SLC25A13: variants seen among roughly 807,000 people sequenced by gnomAD.
The protein encoded by SLC25A13 is electrogenic aspartate/glutamate antiporter SLC25A13, mitochondrial.
Under a neutral mutation model 85.5 loss-of-function variants are expected in SLC25A13, and 70 were observed. The ratio of observed to expected loss-of-function variants is 0.82; its 90% confidence interval spans 0.68 to 1.00. SLC25A13 has a LOEUF of 1.00. Among genes scored for constraint, SLC25A13 ranks in the 50% least tolerant of loss-of-function variants. SLC25A13 has a pLI of 0.00. For synonymous variants in SLC25A13, 259 were observed against 288.7 expected, an observed-to-expected ratio of 0.90 and a Z score of 1.04; for missense variants, 765 against 819.8, an observed-to-expected ratio of 0.93 and a Z score of 0.82.
At chr7:96,294,581 C>T (rs1047658896) in intron 2 of SLC25A13, among the ~76,000 whole-genome samples, 13 of 150,522 alleles carry the variant, frequency 8.6e-5, no homozygotes, top group Non-Finnish European at 1.6e-4. Context: ...TGCACTCCAG[C>T]CTGGGAGACA....
At chr7:96,315,395 G>A (rs112718473) in intron 1 of SLC25A13, among the ~76,000 whole-genome samples, 3 of 152,164 alleles carry the variant, frequency 2.0e-5, no homozygotes, top group African/African-American at 4.8e-5. Flanking sequence ...GGGAGACCCA[G>A]GCATCAGCAG....
chr7:96,234,774 C>G, intron 4 of SLC25A13, 28 bp downstream of exon 4: 1 of 1,534,516 alleles, frequency 6.5e-7, no homozygotes, highest in Non-Finnish European at 9.0e-7. Context: ...CACACTTACA[C>G]AGACGTGCAC....
intron 3 of SLC25A13, among the ~76,000 whole-genome samples, chr7:96,245,779 CAA>C (rs1158858685): frequency 1.3e-5 from 2 of 152,046 alleles, no homozygotes; most frequent in African/African-American, 4.8e-5. Flanking sequence ...AGGAGGAAAT[CAA>C]AAGAGGTAAA....
At chr7:96,126,505 A>G (rs961833134) in intron 15 of SLC25A13, among the ~76,000 whole-genome samples, 2 of 152,202 alleles carry the variant, frequency 1.3e-5, no homozygotes, top group African/African-American at 4.8e-5. Context: ...GAGAGCTCCA[A>G]GCCTGGCAAT....
intron 9 of SLC25A13, among the ~76,000 whole-genome samples, chr7:96,188,146 A>T (rs1794707806): frequency 6.6e-6 from 1 of 152,220 alleles, no homozygotes; most frequent in Non-Finnish European, 1.5e-5. Context: ...ACGAAGAGAT[A>T]ATCATCTCCT....
chr7:96,141,019 C>CTT (rs11433644), intron 14 of SLC25A13, among the ~76,000 whole-genome samples: 2,880 of 124,648 alleles, frequency 0.023, 86 homozygotes, highest in Non-Finnish European at 0.033. Flanking sequence ...TTTTTTCTTT[C>CTT]TTTTTTTTTT....
At chr7:96,306,084 A>G (rs535470775) in intron 1 of SLC25A13, among the ~76,000 whole-genome samples, 1 of 152,294 alleles carries the variant, frequency 6.6e-6, no homozygotes, top group Non-Finnish European at 1.5e-5. Context: ...CGTTATGTCC[A>G]TTTTACAGAT....
Position 96,168,057 on chromosome 7 carries a change from G to C in SLC25A13, c.1311+1988C>G, listed in dbSNP as rs915257875. 6.8e-5 allele frequency among the ~76,000 whole-genome samples: 8 copies of C among 117,518 alleles called. No homozygotes were observed. The South Asian group carries it at 1.5e-3, about 22-fold the overall frequency. 77.1% of individuals were successfully genotyped at this position (117,518 alleles called of 152,430 possible). A position where few individuals can be genotyped will look rare whatever the true frequency, so the allele number is the denominator to read the frequency against. On this transcript the variant is annotated intron_variant, in intron 13 of 17. Coordinates refer to ENST00000265631, the MANE Select transcript of SLC25A13 (RefSeq NM_014251.3). ...GGAGGCTGCAGTGAGCCAAGATCCC[G>C]CCACTGCACTCCAGCCTGGTGACAG... is the stretch of plus-strand genomic sequence containing the variant.
At chr7:96,234,947 G>C (rs974426884) in intron 3 of SLC25A13, 30 bp from the exon 4 acceptor site, 3 of 1,550,376 alleles carry the variant, frequency 1.9e-6, no homozygotes, top group African/African-American at 2.7e-5. Context: ...TAAAGCAAAA[G>C]TCAGTAGCTT....
At chr7:96,287,826 G>A (rs908274225) in intron 2 of SLC25A13, among the ~76,000 whole-genome samples, 3 of 152,280 alleles carry the variant, frequency 2.0e-5, no homozygotes, top group Admixed American at 1.3e-4. Flanking sequence ...ATAGGTCCTC[G>A]GTTCAAAGAA....
rs201456170 is a variant in SLC25A13, at chr7:96,207,789, T to C, written c.468+1049A>G. 5.3e-5 allele frequency among the ~76,000 whole-genome samples: 8 copies of C among 152,208 alleles called. No individual in the cohort carries two copies. In the East Asian group the frequency reaches 1.4e-3, roughly 26 times the overall value. On this transcript the variant is annotated intron_variant, in intron 5 of 17. Transcript: ENST00000265631. ...TCAGTGGCCCAATGATATGATCATATGGGTGGGGGAAGGGGGTCACGAGAG... is the reference window on the plus strand; with the variant it reads ...TCAGTGGCCCAATGATATGATCATACGGGTGGGGGAAGGGGGTCACGAGAG...
intron 13 of SLC25A13, among the ~76,000 whole-genome samples, chr7:96,148,390 T>C (rs1353930767): frequency 6.6e-6 from 1 of 152,180 alleles, no homozygotes; most frequent in African/African-American, 2.4e-5. Flanking sequence ...AACTCCCTGG[T>C]TGTTTACAGC....
chr7:96,158,106 C>T (rs1010179290), intron 13 of SLC25A13, among the ~76,000 whole-genome samples: 1 of 152,172 alleles, frequency 6.6e-6, no homozygotes, highest in African/African-American at 2.4e-5. Flanking sequence ...GTTCATATTT[C>T]CCCATGATCC....
intron 13 of SLC25A13, 137 bp from the exon 14 acceptor site, chr7:96,146,833 A>G: frequency 9.1e-7 from 1 of 1,095,966 alleles, no homozygotes. Context: ...CCCATCAATC[A>G]AAACGGTTAG....
chr7:96,260,505 G>A (rs1421954212), intron 3 of SLC25A13, among the ~76,000 whole-genome samples: 1 of 152,046 alleles, frequency 6.6e-6, no homozygotes, highest in East Asian at 1.9e-4. Context: ...AACTCCTTAT[G>A]CTGAGAATTG....
chr7:96,296,609 T>TA (rs1420968116), intron 2 of SLC25A13, among the ~76,000 whole-genome samples: 3 of 151,954 alleles, frequency 2.0e-5, no homozygotes, highest in Non-Finnish European at 4.4e-5. Flanking sequence ...GCCTCCTGAA[T>TA]AGCCAGGATT....
chr7:96,237,156 T>C (rs780290540), intron 3 of SLC25A13, among the ~76,000 whole-genome samples: 6 of 152,182 alleles, frequency 3.9e-5, no homozygotes, highest in Non-Finnish European at 7.3e-5. Flanking sequence ...GTAAGGCTGG[T>C]AGAGAAAGTC....
At chr7:96,219,150 C>T (rs1464575977) in intron 4 of SLC25A13, among the ~76,000 whole-genome samples, 3 of 152,078 alleles carry the variant, frequency 2.0e-5, no homozygotes, top group African/African-American at 2.4e-5. Context: ...AATTCAGAGT[C>T]GCTCAAGAAA....
At chr7:96,275,734 T>G (rs1214457357) in intron 3 of SLC25A13, among the ~76,000 whole-genome samples, 5 of 151,138 alleles carry the variant, frequency 3.3e-5, no homozygotes, top group African/African-American at 1.2e-4. Flanking sequence ...TGGGGCTTGT[T>G]GTGGGGTCGG....
Sources: gnomAD v4.1 joint callset for allele counts (sites outside exome capture counted in the v4.1 genomes callset) on GRCh38, gnomAD v4.1.1 for gene constraint, MANE v1.5 for transcripts, NCBI Gene and HGNC (gene_info 2026-07-23, HGNC 2026-07-21) for gene names.